Variants in TAPT1 observed in about 807,000 individuals in gnomAD.
TAPT1 encodes transmembrane anterior posterior transformation 1.
A neutral mutation model predicts 65.6 loss-of-function variants in TAPT1; 28 were observed. The ratio of observed to expected loss-of-function variants is 0.43; its 90% CI spans 0.32 to 0.59. The LOEUF is 0.59. Ranked by LOEUF, TAPT1 falls within the 20% of genes least tolerant of loss-of-function variation. TAPT1 has a pLI of 0.09. For missense variants in TAPT1, 563 were observed against 679.9 expected (o/e 0.83, Z 1.91); for synonymous variants, 278 against 245.2 (o/e 1.13, Z -1.25).
At chr4:16,181,862 C>T (rs977235190) in intron 7 of TAPT1, among the ~76,000 whole-genome samples, 3 of 152,160 alleles carry the variant, frequency 2.0e-5, no homozygotes, top group African/African-American at 7.2e-5. Context: ...GCCACTGTGC[C>T]TGGCCCAAAA....
chr4:16,209,914 G>A (rs929014471), intron 2 of TAPT1, among the ~76,000 whole-genome samples: 1 of 152,090 alleles, frequency 6.6e-6, no homozygotes, highest in African/African-American at 2.4e-5. Flanking sequence ...TCAAGGTGGG[G>A]TATGGGACAG....
At chr4:16,179,519 G>A in intron 8 of TAPT1, 58 bp downstream of exon 8, 1 of 1,049,880 alleles carries the variant, frequency 9.5e-7, no homozygotes, top group African/African-American at 1.7e-5. Flanking sequence ...CCATGTAAAA[G>A]AATGATTTTG....
At chr4:16,217,512 A>C (rs190797464) in intron 1 of TAPT1, among the ~76,000 whole-genome samples, 1 of 152,340 alleles carries the variant, frequency 6.6e-6, no homozygotes, top group East Asian at 1.9e-4. Context: ...GTGAACAGCA[A>C]ACTGAGCTAA....
chr4:16,205,261 C>T (rs1750272823), intron 2 of TAPT1, among the ~76,000 whole-genome samples: 1 of 152,134 alleles, frequency 6.6e-6, no homozygotes, highest in Non-Finnish European at 1.5e-5. Flanking sequence ...CAATATATCT[C>T]CTTGAATTAC....
chr4:16,168,366 G>A (rs1747776148), intron 12 of TAPT1, among the ~76,000 whole-genome samples: 1 of 152,104 alleles, frequency 6.6e-6, no homozygotes, highest in African/African-American at 2.4e-5. Context: ...CACCCAGCCT[G>A]CCAAAGTCCT....
At chr4:16,226,629 C>CGCT (rs1201925564), upstream of TAPT1, 46 of 237,684 alleles carry the variant, frequency 1.9e-4, no homozygotes, top group Non-Finnish European at 2.7e-4. Context: ...CGTGTGAGGC[C>CGCT]GCTGCCGCCG....
chr4:16,220,780 T>C (rs1751210005), intron 1 of TAPT1, among the ~76,000 whole-genome samples: 2 of 151,818 alleles, frequency 1.3e-5, no homozygotes, highest in East Asian at 3.9e-4. Flanking sequence ...TTTACTATTA[T>C]AGCATAAACA....
upstream of TAPT1, chr4:16,226,980 A>T (rs1435738392): frequency 8.9e-6 from 4 of 449,238 alleles, no homozygotes; most frequent in Non-Finnish European, 1.8e-5. Context: ...AGGTCTTGGC[A>T]CTGCTGGCGC....
intron 2 of TAPT1, among the ~76,000 whole-genome samples, chr4:16,205,206 T>C (rs1272947607): frequency 2.0e-5 from 3 of 152,176 alleles, no homozygotes; most frequent in Non-Finnish European, 2.9e-5. Flanking sequence ...AATTTCAAAA[T>C]AAACAAAATG....
intron 10 of TAPT1, 102 bp from the exon 11 acceptor site, chr4:16,174,374 C>G: frequency 9.7e-7 from 1 of 1,034,438 alleles, no homozygotes; most frequent in Non-Finnish European, 1.4e-6. Flanking sequence ...ACAGGTGAGG[C>G]TATGGAGCAA....
Position 16,218,857 on chromosome 4 carries a change from A to G in TAPT1, c.200-4959T>C, listed in dbSNP as rs535380861. ...CTATCATTAAAAGGTAATATGACAA[A>G]TAAGTATATTTAACAACATATATCA... On this transcript the variant is annotated intron_variant, in intron 1 of 13. Coordinates refer to ENST00000405303, the MANE Select transcript of TAPT1 (RefSeq NM_153365.3). 7.2e-5 allele frequency among the ~76,000 whole-genome samples: 11 copies of G among 152,308 alleles called. No individual in the cohort carries two copies. In the East Asian group the frequency reaches 1.5e-3, roughly 21 times the overall value.
chr4:16,171,982 T>C (rs144348729), intron 11 of TAPT1, among the ~76,000 whole-genome samples: 1 of 152,246 alleles, frequency 6.6e-6, no homozygotes, highest in East Asian at 1.9e-4. Context: ...AAGAATTAAC[T>C]TGTCACAGAG....
At chr4:16,192,501 T>G (rs1020004754) in intron 3 of TAPT1, among the ~76,000 whole-genome samples, 3 of 152,214 alleles carry the variant, frequency 2.0e-5, no homozygotes, top group Non-Finnish European at 4.4e-5. Context: ...ATAATTAATA[T>G]GAGCAGAAGA....
chr4:16,203,914 TTTTTTG>T (rs1159838911), intron 2 of TAPT1, among the ~76,000 whole-genome samples: 2 of 152,172 alleles, frequency 1.3e-5, no homozygotes, highest in Admixed American at 6.5e-5. Flanking sequence ...TATAGGCCCT[TTTTTTG>T]TTTTTAACAA....
chr4:16,206,131 C>T (rs754585800), intron 2 of TAPT1, among the ~76,000 whole-genome samples: 3 of 152,090 alleles, frequency 2.0e-5, no homozygotes, highest in African/African-American at 7.2e-5. Context: ...TTTAATCATC[C>T]GAATTAAAAA....
chr4:16,199,453 T>C (rs958598849), intron 3 of TAPT1, among the ~76,000 whole-genome samples: 5 of 152,212 alleles, frequency 3.3e-5, no homozygotes, highest in African/African-American at 1.2e-4. Flanking sequence ...AATCATCTTA[T>C]GCACTACAAA....
At chr4:16,226,548 G>C (rs1400318372), upstream of TAPT1, 1 of 855,884 alleles carries the variant, frequency 1.2e-6, no homozygotes, top group Non-Finnish European at 1.4e-6. Context: ...CCTCGCCGGA[G>C]CCCGAGCCGC....
intron 2 of TAPT1, among the ~76,000 whole-genome samples, chr4:16,205,822 G>T (rs1008100105): frequency 6.6e-6 from 1 of 152,194 alleles, no homozygotes; most frequent in Non-Finnish European, 1.5e-5. Flanking sequence ...ATCACGTTCA[G>T]TTCATTGCTA....
chr4:16,160,905 G>C lies in TAPT1; in HGVS notation c.*2403C>G, dbSNP rs1019055631. The C allele has an allele frequency of 1.3e-5, 2 of 152,596 alleles. No individual in the cohort carries two copies. Among genetic ancestry groups the C allele is most frequent in the African/African-American group, 4.8e-5 (2 of 41,432 alleles). The allele number at this position is 152,596 out of a possible 1,614,324, so 9.5% of individuals were successfully genotyped here. A position where few individuals can be genotyped will look rare whatever the true frequency, so the allele number is the denominator to read the frequency against. ...AGTCCACAAGAAAATCTGGACAAGC[G>C]TATCAGTGACACTTGGTCTTTACAC... On this transcript the variant is annotated 3_prime_UTR_variant, in exon 14 of 14. Coordinates refer to ENST00000405303, the MANE Select transcript of TAPT1 (RefSeq NM_153365.3).
Sources: allele counts gnomAD v4.1 joint callset (sites outside exome capture counted in the v4.1 genomes callset), GRCh38; gene constraint gnomAD v4.1.1; transcripts MANE v1.5; gene names NCBI Gene and HGNC (gene_info 2026-07-23, HGNC 2026-07-21).